The following RIMBP2 variants were observed in gnomAD, a reference collection of about 807,000 sequenced individuals.
The protein encoded by RIMBP2 is RIMS-binding protein 2.
In RIMBP2, 48 loss-of-function variants were observed where a neutral mutation model predicts 118.6. The ratio of observed to expected loss-of-function variants is 0.40; its 90% CI spans 0.32 to 0.51. The LOEUF is 0.51. RIMBP2 is among the 20% of genes least tolerant of loss of function. The pLI, the probability that RIMBP2 is intolerant of heterozygous loss-of-function variation, is 0.41. For missense variants in RIMBP2, 1,551 were observed against 1,768.3 expected, an observed-to-expected ratio of 0.88 and a Z score of 2.20; for synonymous variants, 762 against 742.9, an observed-to-expected ratio of 1.03 and a Z score of -0.42.
At chr12:130,552,673 A>T (rs918981723) in intron 2 of RIMBP2, among the ~76,000 whole-genome samples, 4 of 152,216 alleles carry the variant, frequency 2.6e-5, no homozygotes, top group African/African-American at 7.2e-5. Flanking sequence ...TTCAGTACAA[A>T]AATTAGTAGA....
chr12:130,487,017 T>C (rs1003437887), intron 4 of RIMBP2, among the ~76,000 whole-genome samples: 16 of 152,178 alleles, frequency 1.1e-4, no homozygotes, highest in African/African-American at 3.4e-4. Context: ...AAATCCAGAC[T>C]CCTGGCTGCA....
chr12:130,514,143 G>T (rs1410411152), intron 3 of RIMBP2, among the ~76,000 whole-genome samples: 2 of 152,254 alleles, frequency 1.3e-5, no homozygotes, highest in Non-Finnish European at 2.9e-5. Context: ...CCGCAAAGCA[G>T]GCTGCAGGAC....
intron 19 of RIMBP2, among the ~76,000 whole-genome samples, chr12:130,410,503 A>G (rs1458832099): frequency 2.6e-5 from 4 of 152,204 alleles, no homozygotes; most frequent in African/African-American, 9.6e-5. Context: ...TAATTTTTAT[A>G]CTTGAAACTA....
At chr12:130,697,204 A>T (rs2065617327) in intron 1 of RIMBP2, among the ~76,000 whole-genome samples, 1 of 152,260 alleles carries the variant, frequency 6.6e-6, no homozygotes, top group Non-Finnish European at 1.5e-5. Flanking sequence ...GACCACAGAA[A>T]TAATAGAGAA....
chr12:130,488,070 T>C (rs1278837148), intron 4 of RIMBP2, among the ~76,000 whole-genome samples: 1 of 152,160 alleles, frequency 6.6e-6, no homozygotes, highest in Non-Finnish European at 1.5e-5. Context: ...ATTAAAGCAA[T>C]GATTTTGAGT....
chr12:130,523,350 A>T lies in RIMBP2; in HGVS notation c.-216-5433T>A, dbSNP rs1011870280. Among the ~76,000 whole-genome samples, 1 of 152,202 alleles carries T rather than the reference A, an allele frequency of 6.6e-6. No homozygotes were observed. The highest frequency in any genetic ancestry group is 2.4e-5 in the African/African-American group (1 of 41,454). The stretch of plus-strand genomic sequence containing the variant: ...GCCAGCACCTTGGTCTTAGACTTCC[A>T]GCCTCCAGGACTGAGAGAGAGGAGA... On this transcript the variant is annotated intron_variant, in intron 2 of 22. Transcript: ENST00000690449. The surrounding 1 kb of genome is among the most constrained non-coding windows in gnomAD (Gnocchi z 4.4).
intron 1 of RIMBP2, among the ~76,000 whole-genome samples, chr12:130,662,315 A>T (rs770907520): frequency 2.4e-4 from 36 of 152,004 alleles, no homozygotes; most frequent in Non-Finnish European, 4.7e-4. Flanking sequence ...CTTCCTGCTT[A>T]TGTTTCCTAG....
chr12:130,546,116 T>TTC (rs2055127705), intron 2 of RIMBP2, among the ~76,000 whole-genome samples: 1 of 148,638 alleles, frequency 6.7e-6, no homozygotes, highest in Non-Finnish European at 1.5e-5. Context: ...TTTTTTTTTT[T>TTC]TGGGATGGAG....
chr12:130,694,474 C>T (rs1464467657), intron 1 of RIMBP2, among the ~76,000 whole-genome samples: 2 of 152,222 alleles, frequency 1.3e-5, no homozygotes, highest in African/African-American at 4.8e-5. Flanking sequence ...TGCTCGTGAT[C>T]TCACCCTGTC....
intron 2 of RIMBP2, among the ~76,000 whole-genome samples, chr12:130,565,328 G>C (rs74615645): frequency 0.021 from 3,206 of 152,238 alleles, 121 homozygotes; most frequent in African/African-American, 0.074. Flanking sequence ...ATGGGAAACA[G>C]GGTATGGAGG....
chr12:130,576,390 G>C lies in RIMBP2; in HGVS notation c.-217+51932C>G, dbSNP rs766868051. ...GTGCTTCTAGATCCTCAGCAGGTTG[G>C]CGCATGACCCTCAGAGCCCTAAACA... is the stretch of plus-strand genomic sequence containing the variant. On this transcript the variant is annotated intron_variant, in intron 2 of 22. Transcript: ENST00000690449. This position sits in a 1 kb window ranked among gnomAD's most constrained non-coding sequence, Gnocchi z 4.2. Among the ~76,000 whole-genome samples the C allele has an allele frequency of 9.2e-5, 14 of 152,106 alleles. No homozygotes were observed. The highest frequency in any genetic ancestry group is 1.3e-4 in the Non-Finnish European group (9 of 68,024).
intron 3 of RIMBP2, among the ~76,000 whole-genome samples, chr12:130,515,574 T>C (rs2051363386): frequency 6.6e-6 from 1 of 152,192 alleles, no homozygotes; most frequent in Admixed American, 6.5e-5. Flanking sequence ...TCAGTAATAT[T>C]CCATTGGACA....
rs1435370057 is a variant in RIMBP2, at chr12:130,419,081, A to T, written c.3238+3372T>A. Among the ~76,000 whole-genome samples, 1 of 152,186 alleles carries T rather than the reference A, an allele frequency of 6.6e-6. No homozygotes were observed. Among genetic ancestry groups the T allele is most frequent in the South Asian group, 2.1e-4 (1 of 4,832 alleles). On this transcript the variant is annotated intron_variant, in intron 17 of 22. Coordinates refer to ENST00000690449, the MANE Select transcript of RIMBP2 (RefSeq NM_001393629.1). This position sits in a 1 kb window ranked among gnomAD's most constrained non-coding sequence, Gnocchi z 4.3. The stretch of plus-strand genomic sequence containing the variant: ...TGTTCTTCCAGAGAGGATGCACTGG[A>T]TGTGTTATGAGCACCAAACCTCGAC...
intron 2 of RIMBP2, among the ~76,000 whole-genome samples, chr12:130,530,479 A>T (rs780111677): frequency 1.6e-5 from 2 of 121,680 alleles, no homozygotes; most frequent in Non-Finnish European, 3.5e-5. Context: ...GCTAAGAATA[A>T]CAATTTTTAA....
chr12:130,584,524 C>T (rs2058734288), intron 2 of RIMBP2, among the ~76,000 whole-genome samples: 1 of 150,614 alleles, frequency 6.6e-6, no homozygotes, highest in Non-Finnish European at 1.5e-5. Flanking sequence ...ACCACCATCA[C>T]CTCATCACCA....
intron 2 of RIMBP2, among the ~76,000 whole-genome samples, chr12:130,616,368 C>G (rs983744600): frequency 6.6e-6 from 1 of 151,990 alleles, no homozygotes; most frequent in Non-Finnish European, 1.5e-5. Flanking sequence ...CCCTATTAGT[C>G]TCCTCCTCTC....
At chr12:130,412,966 G>A (rs895875693) in intron 18 of RIMBP2, among the ~76,000 whole-genome samples, 179 bp from the exon 19 acceptor site, 10 of 152,058 alleles carry the variant, frequency 6.6e-5, no homozygotes, top group African/African-American at 1.4e-4. Context: ...TGTAACCCTC[G>A]CTCTATGACT....
At chr12:130,464,148 C>A (rs952324318) in intron 6 of RIMBP2, among the ~76,000 whole-genome samples, 4 of 152,148 alleles carry the variant, frequency 2.6e-5, no homozygotes, top group African/African-American at 7.2e-5. Context: ...CCACGAATAG[C>A]CCACACTGCT....
chr12:130,447,561 A>G lies in RIMBP2; in HGVS notation c.582-2292T>C, dbSNP rs549378309. On this transcript the variant is annotated intron_variant, in intron 9 of 22. Transcript: ENST00000690449. This position sits in a 1 kb window ranked among gnomAD's most constrained non-coding sequence, Gnocchi z 4.4. ...GGAGACGAGGGACAGGTGATCACTG[A>G]TGGGAATGGGTTCTTGAGGGGCGAT... is the stretch of plus-strand genomic sequence containing the variant. Among the ~76,000 whole-genome samples the G allele has an allele frequency of 5.3e-5, 8 of 152,180 alleles. No individual in the cohort carries two copies. Among genetic ancestry groups the G allele is most frequent in the African/African-American group, 1.9e-4 (8 of 41,510 alleles).
Sources: allele counts gnomAD v4.1 joint callset (sites outside exome capture counted in the v4.1 genomes callset), GRCh38; gene constraint gnomAD v4.1.1; non-coding constraint Gnocchi (gnomAD v3.1); transcripts MANE v1.5; gene names NCBI Gene and HGNC (gene_info 2026-07-23, HGNC 2026-07-21).